The following NHSL1 variants were observed in gnomAD, a reference collection of about 807,000 sequenced individuals.
The protein encoded by NHSL1 is NHS-like protein 1.
In NHSL1, 48 loss-of-function variants were observed where a neutral mutation model predicts 95.0. That is an observed-to-expected ratio of 0.51 (90% CI 0.40 to 0.64). NHSL1 has a LOEUF of 0.64. Among genes scored for constraint, NHSL1 ranks in the 30% least tolerant of loss-of-function variants. NHSL1 has a pLI of 0.00. For synonymous variants in NHSL1, 783 were observed against 833.9 expected, an observed-to-expected ratio of 0.94 and a Z score of 1.05; for missense variants, 1,971 against 2,077.7, an observed-to-expected ratio of 0.95 and a Z score of 1.00.
Position 138,431,983 on chromosome 6 carries a change from C to A in NHSL1, c.2362G>T (p.Gly788Cys). The A allele has an allele frequency of 6.4e-7, 1 of 1,551,744 alleles. No individual in the cohort carries two copies. Among genetic ancestry groups the A allele is most frequent in the Non-Finnish European group, 8.7e-7 (1 of 1,147,002 alleles). ...GGGTTCCCCGGATCTTCCTGCATGC[C>A]CGTGTAGTCAATGTAATAACCCCAG... ...DPWGYYIDYT[G>C]MQEDPGNPAG... Residue 788 changes from glycine (G) to cysteine (C), a missense_variant, in exon 6 of 8, where the codon GGC (glycine) becomes TGC (cysteine). Transcript: ENST00000343505. The surrounding 1 kb of genome is among the most constrained non-coding windows in gnomAD (Gnocchi z 4.0).
upstream of NHSL1, chr6:138,692,577 C>G: frequency 5.1e-6 from 1 of 194,460 alleles, no homozygotes; most frequent in South Asian, 8.0e-5. The surrounding 1 kb of genome is among the most constrained non-coding windows in gnomAD (Gnocchi z 4.0). Context: ...GGCCGCCTGG[C>G]CCTCGAGCTC....
rs35133107 is a variant in NHSL1 at position 138,423,094 on chromosome 6, TAAAAAAAA to T, written c.*979_*986del. Reference sequence around the variant, plus strand: ...GCCTAATGGAAGTTTAAACTCTGGTTAAAAAAAAAAAAAAAAAAAAACTGTTGTAAAAG... The same window carrying T: ...GCCTAATGGAAGTTTAAACTCTGGTTAAAAAAAAAAAAACTGTTGTAAAAG... On this transcript the variant is annotated 3_prime_UTR_variant, in exon 8 of 8. Coordinates refer to ENST00000343505, the MANE Select transcript of NHSL1 (RefSeq NM_001144060.2). 6.9e-5 allele frequency: 9 copies of T among 129,946 alleles called. No homozygotes were observed. The highest frequency in any genetic ancestry group is 9.6e-5 in the Non-Finnish European group (6 of 62,760). 8.0% of individuals were successfully genotyped at this position (129,946 alleles called of 1,614,324 possible).
At chr6:138,690,025 G>A (rs1028003685) in intron 1 of NHSL1, among the ~76,000 whole-genome samples, 4 of 152,188 alleles carry the variant, frequency 2.6e-5, no homozygotes, top group Non-Finnish European at 5.9e-5. Flanking sequence ...CTTCAGGCCC[G>A]GATGTGTCAT....
chr6:138,522,083 G>A (rs534942780), intron 1 of NHSL1, among the ~76,000 whole-genome samples: 3 of 152,310 alleles, frequency 2.0e-5, no homozygotes, highest in South Asian at 2.1e-4. Flanking sequence ...CGTGGAAACC[G>A]TGAACACCCT....
chr6:138,674,461 T>C (rs1271905886), intron 1 of NHSL1, among the ~76,000 whole-genome samples: 2 of 152,140 alleles, frequency 1.3e-5, no homozygotes, highest in African/African-American at 4.8e-5. Flanking sequence ...TTCCTAATGC[T>C]TTCCCCTAGC....
At chr6:138,543,367 C>T (rs145709557) in intron 1 of NHSL1, among the ~76,000 whole-genome samples, 787 of 152,134 alleles carry the variant, frequency 5.2e-3, no homozygotes, top group Admixed American at 0.014. Context: ...ATATAAGTTA[C>T]GATAGTGACA....
intron 3 of NHSL1, among the ~76,000 whole-genome samples, chr6:138,465,819 G>A (rs1291569589): frequency 1.3e-5 from 2 of 150,938 alleles, no homozygotes; most frequent in South Asian, 2.1e-4. Context: ...TGCCTCCTGG[G>A]TTCAAGCAAT....
chr6:138,624,687 C>T (rs1449411332), intron 1 of NHSL1, among the ~76,000 whole-genome samples: 1 of 152,136 alleles, frequency 6.6e-6, no homozygotes, highest in African/African-American at 2.4e-5. Flanking sequence ...CTCCTTCTGA[C>T]ACTTCACCCA....
At chr6:138,569,609 A>T (rs1348218300) in intron 1 of NHSL1, among the ~76,000 whole-genome samples, 10 of 152,186 alleles carry the variant, frequency 6.6e-5, no homozygotes, top group Non-Finnish European at 1.2e-4. Flanking sequence ...TCATTTCTGC[A>T]TATTTTTTCT....
At chr6:138,518,149 G>C (rs760697606) in intron 1 of NHSL1, among the ~76,000 whole-genome samples, 29 of 152,150 alleles carry the variant, frequency 1.9e-4, no homozygotes, top group Non-Finnish European at 3.1e-4. Context: ...GAGATTTGTG[G>C]TCTCTTATTT....
chr6:138,447,574 G>C (rs1462354284), intron 3 of NHSL1, among the ~76,000 whole-genome samples: 1 of 152,136 alleles, frequency 6.6e-6, no homozygotes, highest in African/African-American at 2.4e-5. Flanking sequence ...AGGAGTTCAA[G>C]ACCAGCTGGC....
chr6:138,633,743 A>G (rs1784852517), intron 1 of NHSL1, among the ~76,000 whole-genome samples: 1 of 152,226 alleles, frequency 6.6e-6, no homozygotes, highest in Non-Finnish European at 1.5e-5. Context: ...TAAAGGTACA[A>G]AACTCACTGG....
chr6:138,600,032 T>C (rs1367649288), intron 1 of NHSL1, among the ~76,000 whole-genome samples: 1 of 151,934 alleles, frequency 6.6e-6, no homozygotes, highest in Non-Finnish European at 1.5e-5. Context: ...TAGCTCCAGC[T>C]ACTAGGGAGG....
chr6:138,575,913 A>G (rs1783962336), upstream of NHSL1, among the ~76,000 whole-genome samples: 1 of 152,138 alleles, frequency 6.6e-6, no homozygotes, highest in Non-Finnish European at 1.5e-5. Flanking sequence ...AGCTTCCTGT[A>G]TATTATTGCT....
intron 1 of NHSL1, among the ~76,000 whole-genome samples, chr6:138,522,412 C>T (rs140378232): frequency 1.3e-5 from 2 of 152,146 alleles, no homozygotes; most frequent in East Asian, 1.9e-4. Flanking sequence ...GAGGCCAAGG[C>T]GGATGGATCA....
rs11540147 is a variant in NHSL1, at chr6:138,424,161, C to T, written c.4741G>A (p.Gly1581Ser). ...PAASLQPQAP[G>S]PVDGTASAEG... Reference sequence around the variant, plus strand: ...GCACTGGCTGTCCCATCCACAGGGCCGGGGGCCTGGGGCTGCAGGGAGGCG... The same window carrying T: ...GCACTGGCTGTCCCATCCACAGGGCTGGGGGCCTGGGGCTGCAGGGAGGCG... Residue 1581 changes from glycine to serine, a missense_variant, in exon 8 of 8, where the codon GGC (glycine) becomes AGC (serine). By Grantham distance (56) the Gly-to-Ser change is moderately conservative. Coordinates refer to ENST00000343505, the MANE Select transcript of NHSL1 (RefSeq NM_001144060.2). The surrounding 1 kb of genome is among the most constrained non-coding windows in gnomAD (Gnocchi z 5.9). 2.9e-4 allele frequency: 428 copies of T among 1,453,556 alleles called. 3 individuals are homozygous for T. The South Asian group carries it at 5.6e-3, about 19-fold the overall frequency. 90.0% of individuals were successfully genotyped at this position (1,453,556 alleles called of 1,614,324 possible).
intron 1 of NHSL1, among the ~76,000 whole-genome samples, chr6:138,582,308 C>T (rs1432472565): frequency 6.6e-6 from 1 of 151,876 alleles, no homozygotes; most frequent in Non-Finnish European, 1.5e-5. Flanking sequence ...ACCAAAAAAT[C>T]CCTTTTCCCC....
At chr6:138,687,503 G>A (rs1785601546) in intron 1 of NHSL1, among the ~76,000 whole-genome samples, 2 of 152,094 alleles carry the variant, frequency 1.3e-5, no homozygotes, top group Admixed American at 6.6e-5. Flanking sequence ...CAAATTCTCA[G>A]TCCTGTTTAT....
At position 138,551,807 on chromosome 6, in the gene NHSL1, C is replaced by T. The variant is rs185523534; in HGVS notation, c.202+19903G>A. On this transcript the variant is annotated intron_variant, in intron 1 of 6. Coordinates refer to the NHSL1 transcript ENST00000427025. ...GCTCTGTAGGCAGGGGAATATGGAA[C>T]GCGGGTTTTTGCTCTGGACACTGCC... Among the ~76,000 whole-genome samples, 33 of 152,244 alleles carry T rather than the reference C, an allele frequency of 2.2e-4. No homozygotes were observed. In the East Asian group the frequency reaches 4.2e-3, roughly 20 times the overall value.
Sources: gnomAD v4.1 joint callset for allele counts (sites outside exome capture counted in the v4.1 genomes callset) on GRCh38, gnomAD v4.1.1 for gene constraint, Gnocchi (gnomAD v3.1) non-coding constraint, MANE v1.5 for transcripts, NCBI Gene and HGNC (gene_info 2026-07-23, HGNC 2026-07-21) for gene names.